The following ALMS1 variants were observed in gnomAD, a reference collection of about 807,000 sequenced individuals.
The protein encoded by ALMS1 is centrosome-associated protein ALMS1.
ALMS1 carries 271 observed loss-of-function variants against 352.2 expected under a neutral mutation model. The ratio of observed to expected loss-of-function variants is 0.77; its 90% CI spans 0.70 to 0.85. ALMS1 has a LOEUF of 0.85. Ranked by LOEUF, ALMS1 falls within the 40% of genes least tolerant of loss-of-function variation. The probability of loss-of-function intolerance (pLI) is 0.00; values close to 1 mark genes in which losing one functional copy is unlikely to be tolerated. For missense variants in ALMS1, 5,445 were observed against 4,870.7 expected (o/e 1.12, Z -3.51); for synonymous variants, 1,865 against 1,761.2 (o/e 1.06, Z -1.48).
Position 73,573,123 on chromosome 2 carries a change from C to G in ALMS1, c.11246C>G (p.Thr3749Ser), listed in dbSNP as rs746447460. Reference sequence around the variant, plus strand: ...GAGGAGAGTGAGCTGCTCACAGATACTACCACCAACATCCTTTCCGGCACC... The same window carrying G: ...GAGGAGAGTGAGCTGCTCACAGATAGTACCACCAACATCCTTTCCGGCACC... ...PSEESELLTD[T>S]TTNILSGTTS... Residue 3749 changes from threonine to serine, a missense_variant, in exon 16 of 23, where the codon ACT (threonine) becomes AGT (serine). Transcript: ENST00000613296. The G allele has an allele frequency of 1.9e-6, 3 of 1,614,030 alleles. No individual in the cohort carries two copies. The highest frequency in any genetic ancestry group is 3.3e-5 in the Admixed American group (2 of 59,982).
intron 21 of ALMS1, 152 bp from the exon 22 acceptor site, chr2:73,608,323 G>A (rs1675863898): frequency 4.5e-6 from 3 of 663,402 alleles, no homozygotes; most frequent in Non-Finnish European, 8.2e-6. Context: ...GGTTTTCTGT[G>A]CTGGAGTATC....
chr2:73,421,160 A>G (rs2103706282), intron 3 of ALMS1, among the ~76,000 whole-genome samples: 1 of 152,328 alleles, frequency 6.6e-6, no homozygotes. Flanking sequence ...TTAAATATTT[A>G]AGGAGATGCT....
chr2:73,448,127 A>G lies in ALMS1; in HGVS notation c.1600A>G (p.Thr534Ala). ...TCTAGAAACTACTACTGGTCAACAC[A>G]CTGATACTCTCAACCAAAAGACATT... ...SPLETTTGQHTDTLNQKTLAD... is the reference protein window; with the variant it reads ...SPLETTTGQHADTLNQKTLAD... Residue 534 changes from threonine to alanine, a missense_variant, in exon 8 of 23, where the codon ACT (threonine) becomes GCT (alanine). Coordinates refer to ENST00000613296, the MANE Select transcript of ALMS1 (RefSeq NM_001378454.1). The G allele has an allele frequency of 6.2e-7, 1 of 1,613,990 alleles. No homozygotes were observed. The highest frequency in any genetic ancestry group is 8.5e-7 in the Non-Finnish European group (1 of 1,179,892).
chr2:73,450,871 A>G lies in ALMS1; in HGVS notation c.4344A>G (p.Leu1448=), dbSNP rs200459890. The G allele has an allele frequency of 9.6e-4, 1,547 of 1,614,130 alleles. 1 individual carries two copies. Among genetic ancestry groups the G allele is most frequent in the Admixed American group, 2.4e-3 (144 of 60,012 alleles). The part of the protein sequence containing the change: ...FYQQVLPHSH[L]PEEALEVSVA... The stretch of plus-strand genomic sequence containing the variant: ...AACAGGTCTTGCCACATAGTCATCT[A>G]CCTGAAGAGGCTTTGGAAGTTTCAG... The change falls in exon 8 of 23, where the codon CTA becomes CTG. Residue 1448 remains leucine (L), a synonymous_variant. Transcript: ENST00000613296.
Position 73,448,154 on chromosome 2 carries a change from G to A in ALMS1, c.1627G>A (p.Ala543Thr), listed in dbSNP as rs780159147. Reference sequence around the variant, plus strand: ...TGATACTCTCAACCAAAAGACATTAGCAGATACTCATCTAACTGAAGAGAC... The same window carrying A: ...TGATACTCTCAACCAAAAGACATTAACAGATACTCATCTAACTGAAGAGAC... ...HTDTLNQKTL[A>T]DTHLTEETLK... is the part of the protein sequence containing the mutation. Residue 543 changes from alanine to threonine, a missense_variant, in exon 8 of 23, where the codon GCA (alanine) becomes ACA (threonine). Ala to Thr is a moderately conservative substitution (Grantham distance 58). Coordinates refer to ENST00000613296, the MANE Select transcript of ALMS1 (RefSeq NM_001378454.1). 6.2e-7 allele frequency: 1 copy of A among 1,613,968 alleles called. No homozygotes were observed. Among genetic ancestry groups the A allele is most frequent in the South Asian group, 1.1e-5 (1 of 91,076 alleles).
chr2:73,573,800 T>C (rs1394717463), intron 16 of ALMS1, among the ~76,000 whole-genome samples: 1 of 151,942 alleles, frequency 6.6e-6, no homozygotes, highest in Non-Finnish European at 1.5e-5. Flanking sequence ...GGAAATATAT[T>C]TGAGGTTCTT....
chr2:73,400,165 C>T (rs778190663), intron 1 of ALMS1, among the ~76,000 whole-genome samples: 12 of 152,064 alleles, frequency 7.9e-5, no homozygotes, highest in South Asian at 2.1e-4. Flanking sequence ...AGGCTGGTCT[C>T]GAACTCCTGA....
rs761322020 is a variant in ALMS1, at chr2:73,453,845, T to C, written c.7318T>C (p.Ser2440Pro). The change falls in exon 8 of 23, where the codon TCT becomes CCT. Residue 2440 changes from serine to proline, a missense_variant. Transcript: ENST00000613296. ...TTTACCAGAGTCTTTGGAATCAGTTTCTGATGTTCTTCTAAACTTCTTTCC... is the reference window on the plus strand; with the variant it reads ...TTTACCAGAGTCTTTGGAATCAGTTCCTGATGTTCTTCTAAACTTCTTTCC... ...SNLPESLESV[S>P]DVLLNFFPYV... 6.2e-7 allele frequency: 1 copy of C among 1,614,164 alleles called. No individual in the cohort carries two copies. Among genetic ancestry groups the C allele is most frequent in the Admixed American group, 1.7e-5 (1 of 60,002 alleles).
At chr2:73,518,416 A>G (rs1268244550) in intron 10 of ALMS1, among the ~76,000 whole-genome samples, 1 of 152,176 alleles carries the variant, frequency 6.6e-6, no homozygotes, top group Non-Finnish European at 1.5e-5. Context: ...GAATAGTACT[A>G]TAATGAACAT....
intron 21 of ALMS1, among the ~76,000 whole-genome samples, chr2:73,604,684 C>G (rs544606336): frequency 6.6e-6 from 1 of 152,272 alleles, no homozygotes; most frequent in African/African-American, 2.4e-5. Flanking sequence ...CAGTGGTTCT[C>G]AGAGAGTGGT....
chr2:73,450,138 A>G lies in ALMS1; in HGVS notation c.3611A>G (p.Gln1204Arg), dbSNP rs200384894. 1 of 1,614,082 alleles carries G rather than the reference A, an allele frequency of 6.2e-7. No individual in the cohort carries two copies. Among genetic ancestry groups the G allele is most frequent in the African/African-American group, 1.3e-5 (1 of 75,024 alleles). Residue 1204 changes from glutamine (Q) to arginine (R), a missense_variant, in exon 8 of 23, where the codon CAG (glutamine) becomes CGG (arginine). Coordinates refer to ENST00000613296, the MANE Select transcript of ALMS1 (RefSeq NM_001378454.1). Reference sequence around the variant, plus strand: ...GAGAAACCTGGTATTTTCTATCAACAGACCTTGCCAGGTAGTCACATACCT... The same window carrying G: ...GAGAAACCTGGTATTTTCTATCAACGGACCTTGCCAGGTAGTCACATACCT... ...QREKPGIFYQ[Q>R]TLPGSHIPEE...
intron 9 of ALMS1, among the ~76,000 whole-genome samples, chr2:73,473,028 G>A (rs1046509907): frequency 2.0e-5 from 3 of 152,062 alleles, no homozygotes; most frequent in African/African-American, 7.2e-5. Flanking sequence ...GTGGTATAAG[G>A]ACTTTTAAAT....
intron 16 of ALMS1, among the ~76,000 whole-genome samples, chr2:73,590,006 A>G (rs1410836070): frequency 6.6e-6 from 1 of 151,486 alleles, no homozygotes; most frequent in South Asian, 2.1e-4. Context: ...TTATCAGAAC[A>G]CTAGTAAAAC....
intron 9 of ALMS1, among the ~76,000 whole-genome samples, chr2:73,462,016 GT>G (rs1324573048): frequency 6.6e-6 from 1 of 151,934 alleles, no homozygotes; most frequent in African/African-American, 2.4e-5. Flanking sequence ...ATGGAACCAA[GT>G]TGGAAAACAC....
At chr2:73,599,172 C>T (rs1675617588) in intron 16 of ALMS1, among the ~76,000 whole-genome samples, 1 of 152,096 alleles carries the variant, frequency 6.6e-6, no homozygotes, top group Non-Finnish European at 1.5e-5. Context: ...TGAAAATAGC[C>T]AGGCTTTTTT....
intron 9 of ALMS1, chr2:73,459,581 TCG>T: frequency 6.6e-6 from 1 of 152,324 alleles, no homozygotes; most frequent in African/African-American, 2.4e-5. Flanking sequence ...CTTGGATTTT[TCG>T]TTTACTCAAA....
intron 12 of ALMS1, among the ~76,000 whole-genome samples, chr2:73,541,605 A>T (rs180699768): frequency 1.3e-5 from 2 of 152,316 alleles, no homozygotes; most frequent in East Asian, 3.9e-4. Context: ...GATCAACAAA[A>T]TTGATAGACT....
rs1419983457 is a variant in ALMS1, at chr2:73,491,481, C to G, written c.9522C>G (p.Thr3174=). The part of the protein sequence containing the change: ...DFEGHSNPEG[T]PVFADRLPEK... The stretch of plus-strand genomic sequence containing the variant: ...AAGGACATTCCAATCCAGAGGGGAC[C>G]CCAGTATTTGCAGATCGGTGAGTCT... Residue 3174 remains threonine, a synonymous_variant, in exon 10 of 23, where the codon ACC becomes ACG. Coordinates refer to ENST00000613296, the MANE Select transcript of ALMS1 (RefSeq NM_001378454.1). The G allele has an allele frequency of 6.2e-7, 1 of 1,613,848 alleles. No homozygotes were observed. The highest frequency in any genetic ancestry group is 8.5e-7 in the Non-Finnish European group (1 of 1,179,990).
chr2:73,521,310 G>C (rs528822073), intron 11 of ALMS1, among the ~76,000 whole-genome samples: 1 of 151,920 alleles, frequency 6.6e-6, no homozygotes, highest in South Asian at 2.1e-4. Flanking sequence ...TTGGACTTTG[G>C]CTGGGCTGGC....
Sources: gnomAD v4.1 joint callset for allele counts (sites outside exome capture counted in the v4.1 genomes callset) on GRCh38, gnomAD v4.1.1 for gene constraint, MANE v1.5 for transcripts, NCBI Gene and HGNC (gene_info 2026-07-23, HGNC 2026-07-21) for gene names.